The following GC variants were observed in gnomAD, a reference collection of about 807,000 sequenced individuals.
GC encodes the protein vitamin D-binding protein.
GC carries 43 observed loss-of-function variants against 56.7 expected under a neutral mutation model. That is an observed-to-expected ratio of 0.76 (90% CI 0.59 to 0.98). The LOEUF (loss-of-function observed/expected upper bound fraction) is 0.98, where lower values mean the gene tolerates loss of function less well. GC is among the 50% of genes least tolerant of loss of function. The probability of loss-of-function intolerance (pLI) is 0.00; values close to 1 mark genes in which losing one functional copy is unlikely to be tolerated. For missense variants in GC, 529 were observed against 545.9 expected, an observed-to-expected ratio of 0.97 and a Z score of 0.31; for synonymous variants, 216 against 202.7, an observed-to-expected ratio of 1.07 and a Z score of -0.56.
chr4:71,795,987 C>T (rs1393228560), intron 1 of GC, among the ~76,000 whole-genome samples: 2 of 152,204 alleles, frequency 1.3e-5, no homozygotes, highest in African/African-American at 2.4e-5. Context: ...TATTGGCCCC[C>T]ACTCTTTTCT....
exon 1 of GC, chr4:71,803,933 C>A: frequency 6.6e-7 from 1 of 1,507,344 alleles, no homozygotes; most frequent in Non-Finnish European, 8.9e-7. Flanking sequence ...TACCTCACTC[C>A]AAGACCACAG....
In GC at chr4:71,781,423, A is replaced by G. The variant is rs539915386; in HGVS notation, c.58+2538T>C. ...GAAAACTTGAATCGAAAAAAAAGAA[A>G]AGAAAAAAATGCAAAAAAAATATTT... On this transcript the variant is annotated intron_variant, in intron 1 of 12. Coordinates refer to ENST00000273951, the MANE Select transcript of GC (RefSeq NM_000583.4). Among the ~76,000 whole-genome samples the G allele has an allele frequency of 1.9e-4, 29 of 151,978 alleles. 2 individuals carry two copies. Among genetic ancestry groups the G allele is most frequent in the African/African-American group, 6.7e-4 (28 of 41,528 alleles).
At chr4:71,784,185 G>C, upstream of GC, 1 of 1,304,370 alleles carries the variant, frequency 7.7e-7, no homozygotes, top group Non-Finnish European at 9.8e-7. Flanking sequence ...AGAAGCAAGG[G>C]GCTGTTATCT....
chr4:71,798,285 C>G (rs183402861), intron 1 of GC, among the ~76,000 whole-genome samples: 19 of 152,272 alleles, frequency 1.2e-4, no homozygotes, highest in African/African-American at 4.6e-4. Flanking sequence ...TGCTTTAAAT[C>G]TTTGTCTACT....
At chr4:71,743,734 G>A (rs1273385281) in intron 12 of GC, among the ~76,000 whole-genome samples, 2 of 152,194 alleles carry the variant, frequency 1.3e-5, no homozygotes, top group African/African-American at 2.4e-5. Context: ...CTTTTTCAAA[G>A]CCATGTAACT....
intron 11 of GC, among the ~76,000 whole-genome samples, chr4:71,746,799 CTTTAA>C (rs1048359978): frequency 1.2e-4 from 14 of 116,638 alleles, no homozygotes; most frequent in African/African-American, 4.3e-4. Flanking sequence ...AAAAAAACTA[CTTTAA>C]TTTGGAGGCA....
chr4:71,778,465 C>A (rs1302312433), intron 1 of GC, among the ~76,000 whole-genome samples: 3 of 151,860 alleles, frequency 2.0e-5, no homozygotes, highest in Non-Finnish European at 4.4e-5. Context: ...ATTAAATGCT[C>A]AGTGGTGAAA....
At chr4:71,741,981 CA>C (rs992552551) in intron 12 of GC, 111 bp from the exon 13 acceptor site, 7 of 684,056 alleles carry the variant, frequency 1.0e-5, no homozygotes, top group Non-Finnish European at 1.9e-5. Flanking sequence ...ATATTTATGC[CA>C]AAAATGACTC....
chr4:71,768,383 A>C lies in GC; in HGVS notation c.179T>G (p.Val60Gly). 6.2e-7 allele frequency: 1 copy of C among 1,613,616 alleles called. No homozygotes were observed. The highest frequency in any genetic ancestry group is 1.7e-5 in the Admixed American group (1 of 59,984). The change falls in exon 3 of 13, where the codon GTC becomes GGC. Residue 60 changes from valine to glycine, a missense_variant. Coordinates refer to ENST00000273951, the MANE Select transcript of GC (RefSeq NM_000583.4). ...GACAACTTCCTTCACAAGTTGGCTGACCTGTTCAAACGTGCCACTGGGAAA... is the reference window on the plus strand; with the variant it reads ...GACAACTTCCTTCACAAGTTGGCTGCCCTGTTCAAACGTGCCACTGGGAAA... The part of the protein sequence containing the change: ...RKFPSGTFEQ[V>G]SQLVKEVVSL...
chr4:71,778,876 A>C (rs1211016963), intron 1 of GC, among the ~76,000 whole-genome samples: 1 of 110,574 alleles, frequency 9.0e-6, no homozygotes, highest in Admixed American at 9.8e-5. Flanking sequence ...CTCAGGAAAC[A>C]GAATATTGCT....
chr4:71,803,914 A>T (rs182245840), intron 1 of GC: 26 of 1,465,890 alleles, frequency 1.8e-5, no homozygotes. Flanking sequence ...ATTTGGAATT[A>T]GAACGCAGTA....
At chr4:71,761,063 T>A (rs1005581617) in intron 6 of GC, among the ~76,000 whole-genome samples, 1 of 151,780 alleles carries the variant, frequency 6.6e-6, no homozygotes, top group Non-Finnish European at 1.5e-5. Flanking sequence ...CAGGCAGAGG[T>A]TGGAACAGTT....
At chr4:71,803,928 C>T (rs1743305547) in exon 1 of GC, 1 of 1,499,128 alleles carries the variant, frequency 6.7e-7, no homozygotes, top group Non-Finnish European at 9.0e-7. Flanking sequence ...CGCAGTACCT[C>T]ACTCCAAGAC....
intron 1 of GC, among the ~76,000 whole-genome samples, chr4:71,792,040 C>G (rs1163809774): frequency 6.6e-6 from 1 of 152,092 alleles, no homozygotes; most frequent in Non-Finnish European, 1.5e-5. Context: ...GTATGTGTGC[C>G]ACATTTTCTT....
intron 1 of GC, among the ~76,000 whole-genome samples, chr4:71,799,895 C>T (rs963427943): frequency 6.6e-6 from 1 of 152,220 alleles, no homozygotes; most frequent in South Asian, 2.1e-4. Flanking sequence ...CTGTGAGGAG[C>T]CCTCCTGGGG....
At chr4:71,781,871 C>G (rs76346211) in intron 1 of GC, among the ~76,000 whole-genome samples, 2 of 151,828 alleles carry the variant, frequency 1.3e-5, no homozygotes, top group East Asian at 3.9e-4. Flanking sequence ...TTAATTGGAA[C>G]CTGTCCAGTA....
At chr4:71,795,167 A>G (rs780251993) in intron 1 of GC, among the ~76,000 whole-genome samples, 2 of 152,134 alleles carry the variant, frequency 1.3e-5, no homozygotes, top group East Asian at 3.9e-4. Context: ...GTAGCTGTCT[A>G]TCAGGTCTGC....
At chr4:71,771,540 A>C (rs1481721888) in intron 1 of GC, among the ~76,000 whole-genome samples, 1 of 152,144 alleles carries the variant, frequency 6.6e-6, no homozygotes, top group Non-Finnish European at 1.5e-5. Flanking sequence ...AGACCTACTC[A>C]AACACCCTCA....
chr4:71,786,089 C>T (rs187629123), upstream of GC: 12 of 151,906 alleles, frequency 7.9e-5, no homozygotes, highest in South Asian at 4.1e-4. Context: ...ATATTTACCA[C>T]GTTTGTTTAA....
Sources: allele counts gnomAD v4.1 joint callset (sites outside exome capture counted in the v4.1 genomes callset), GRCh38; gene constraint gnomAD v4.1.1; transcripts MANE v1.5; gene names NCBI Gene and HGNC (gene_info 2026-07-23, HGNC 2026-07-21).